The following CRYZ variants were observed in gnomAD, a reference collection of about 807,000 sequenced individuals.
CRYZ encodes zeta-crystallin.
Under a neutral mutation model 34.1 loss-of-function variants are expected in CRYZ, and 35 were observed. The observed-to-expected ratio is 1.03, with a 90% confidence interval of 0.78 to 1.36. CRYZ has a LOEUF of 1.36. CRYZ is among the 40% of genes most tolerant of loss of function. The probability of loss-of-function intolerance (pLI) is 0.00; values close to 1 mark genes in which losing one functional copy is unlikely to be tolerated. For synonymous variants in CRYZ, 137 were observed against 136.5 expected, an observed-to-expected ratio of 1.00 and a Z score of -0.03; for missense variants, 403 against 391.8, an observed-to-expected ratio of 1.03 and a Z score of -0.24.
intron 4 of CRYZ, among the ~76,000 whole-genome samples, chr1:74,718,347 A>C (rs534395061): frequency 6.6e-6 from 1 of 152,256 alleles, no homozygotes; most frequent in African/African-American, 2.4e-5. Context: ...TACACACAGC[A>C]GATAAGTCAT....
intron 4 of CRYZ, among the ~76,000 whole-genome samples, chr1:74,717,192 C>A (rs1033335922): frequency 6.6e-6 from 1 of 152,054 alleles, no homozygotes; most frequent in African/African-American, 2.4e-5. Context: ...TTATGCAGAT[C>A]TTATTCCATC....
At chr1:74,728,349 A>G (rs1647494778) in intron 1 of CRYZ, among the ~76,000 whole-genome samples, 1 of 152,240 alleles carries the variant, frequency 6.6e-6, no homozygotes, top group Non-Finnish European at 1.5e-5. Flanking sequence ...AAAAGCAAAG[A>G]ACATTTGTAC....
rs528390586 is a variant in CRYZ, at chr1:74,705,912, T to G, written c.*384A>C. On this transcript the variant is annotated 3_prime_UTR_variant, in exon 9 of 9. Coordinates refer to ENST00000340866, the MANE Select transcript of CRYZ (RefSeq NM_001889.4). The stretch of plus-strand genomic sequence containing the variant: ...AATACAGTCATGGCTAATCAGAGAC[T>G]AGAGAACCTTTATAAAGGTAAGTAG... 6.3e-6 allele frequency: 1 copy of G among 158,784 alleles called. No homozygotes were observed. The highest frequency in any genetic ancestry group is 1.4e-5 in the Non-Finnish European group (1 of 72,330). 9.8% of individuals were successfully genotyped at this position (158,784 alleles called of 1,614,324 possible).
At chr1:74,728,935 T>A (rs1005444997) in intron 1 of CRYZ, among the ~76,000 whole-genome samples, 1 of 152,132 alleles carries the variant, frequency 6.6e-6, no homozygotes, top group Non-Finnish European at 1.5e-5. Context: ...GGAGATGATC[T>A]GTCAGAGGGC....
chr1:74,729,619 C>G (rs1179386152), intron 1 of CRYZ, among the ~76,000 whole-genome samples: 2 of 150,166 alleles, frequency 1.3e-5, no homozygotes, highest in African/African-American at 4.9e-5. Context: ...ACCACTCCAG[C>G]CTGGGTGACA....
chr1:74,714,698 A>G, intron 4 of CRYZ, 68 bp from the exon 5 acceptor site: 1 of 1,537,116 alleles, frequency 6.5e-7, no homozygotes, highest in Non-Finnish European at 9.0e-7. Flanking sequence ...TGTTTTCATC[A>G]TCTTAAGGAA....
intron 3 of CRYZ, among the ~76,000 whole-genome samples, chr1:74,720,881 A>C (rs923065931): frequency 2.0e-5 from 3 of 152,224 alleles, no homozygotes; most frequent in African/African-American, 7.2e-5. Flanking sequence ...AGGAGAGAAA[A>C]GCAAAGGATA....
chr1:74,728,204 G>C (rs1647486985), intron 1 of CRYZ, among the ~76,000 whole-genome samples: 1 of 152,034 alleles, frequency 6.6e-6, no homozygotes, highest in Non-Finnish European at 1.5e-5. Context: ...TTAACAAAAG[G>C]GGAAAAACAT....
chr1:74,716,965 C>CT (rs1378691818), intron 4 of CRYZ, among the ~76,000 whole-genome samples: 1 of 152,182 alleles, frequency 6.6e-6, no homozygotes, highest in Non-Finnish European at 1.5e-5. Context: ...TTTGGTGCCA[C>CT]TTCAGCTCTG....
intron 2 of CRYZ, 52 bp downstream of exon 2, chr1:74,724,659 G>A (rs1165540054): frequency 1.8e-6 from 2 of 1,104,586 alleles, no homozygotes; most frequent in Non-Finnish European, 2.7e-6. Context: ...CAATGTGCAA[G>A]AGACTCACAC....
chr1:74,719,847 T>C (rs1046453494), intron 3 of CRYZ, among the ~76,000 whole-genome samples: 3 of 151,852 alleles, frequency 2.0e-5, no homozygotes, highest in Non-Finnish European at 1.5e-5. Context: ...TGGGAACCAA[T>C]GGGAAGAAAA....
intron 4 of CRYZ, 93 bp downstream of exon 4, chr1:74,719,116 A>G: frequency 7.6e-7 from 1 of 1,311,390 alleles, no homozygotes; most frequent in Non-Finnish European, 1.1e-6. Context: ...ACCAAATATG[A>G]TGAACAGATG....
intron 4 of CRYZ, among the ~76,000 whole-genome samples, chr1:74,717,157 T>A (rs1258673127): frequency 6.6e-6 from 1 of 152,180 alleles, no homozygotes; most frequent in East Asian, 1.9e-4. Flanking sequence ...TCTCTACCTA[T>A]GTCCTAAGTC....
chr1:74,712,196 TG>T (rs2100699059), intron 5 of CRYZ, among the ~76,000 whole-genome samples: 1 of 152,302 alleles, frequency 6.6e-6, no homozygotes, highest in South Asian at 2.1e-4. Flanking sequence ...TGACAAATGA[TG>T]GTACAAATAA....
chr1:74,712,216 T>C (rs1422688623), intron 5 of CRYZ, among the ~76,000 whole-genome samples: 1 of 152,234 alleles, frequency 6.6e-6, no homozygotes, highest in Non-Finnish European at 1.5e-5. Context: ...AAGTGTCACA[T>C]ACATTTAGAG....
At chr1:74,731,796 T>C (rs1053422651) in intron 1 of CRYZ, among the ~76,000 whole-genome samples, 1 of 152,218 alleles carries the variant, frequency 6.6e-6, no homozygotes, top group Non-Finnish European at 1.5e-5. Flanking sequence ...TTCCAAACTT[T>C]AGCCTTTAGG....
chr1:74,726,120 G>A (rs556494793), intron 1 of CRYZ, among the ~76,000 whole-genome samples: 2 of 152,284 alleles, frequency 1.3e-5, no homozygotes, highest in African/African-American at 4.8e-5. Flanking sequence ...ACCATTCTGG[G>A]GTCTGGAGGA....
chr1:74,717,121 T>C (rs927495436), intron 4 of CRYZ, among the ~76,000 whole-genome samples: 1 of 152,260 alleles, frequency 6.6e-6, no homozygotes, highest in Non-Finnish European at 1.5e-5. Flanking sequence ...ACAGATGAGC[T>C]GTGCTTTCCA....
At chr1:74,730,193 C>G (rs1295007684) in intron 1 of CRYZ, among the ~76,000 whole-genome samples, 1 of 152,146 alleles carries the variant, frequency 6.6e-6, no homozygotes, top group Non-Finnish European at 1.5e-5. Flanking sequence ...ACTCATCCTA[C>G]TGGATTTGGA....
Sources: allele counts gnomAD v4.1 joint callset (sites outside exome capture counted in the v4.1 genomes callset), GRCh38; gene constraint gnomAD v4.1.1; transcripts MANE v1.5; gene names NCBI Gene and HGNC (gene_info 2026-07-23, HGNC 2026-07-21).